IQSEC1: variants seen among roughly 807,000 people sequenced by gnomAD.
The protein encoded by IQSEC1 is IQ motif and SEC7 domain-containing protein 1.
A neutral mutation model predicts 91.0 loss-of-function variants in IQSEC1; 31 were observed. The observed-to-expected ratio is 0.34, with a 90% confidence interval of 0.26 to 0.46. The LOEUF is 0.46. IQSEC1 is among the 20% of genes least tolerant of loss of function. The pLI is 1.00. For missense variants in IQSEC1, 1,388 were observed against 1,575.6 expected, an observed-to-expected ratio of 0.88 and a Z score of 2.02; for synonymous variants, 699 against 662.6, an observed-to-expected ratio of 1.05 and a Z score of -0.84.
chr3:12,978,470 G>T (rs1025679162), intron 1 of IQSEC1, among the ~76,000 whole-genome samples: 1 of 152,160 alleles, frequency 6.6e-6, no homozygotes, highest in Non-Finnish European at 1.5e-5. Flanking sequence ...AGACTGAGGC[G>T]GGCGGATCAC....
At chr3:13,105,875 G>A (rs1027019243) in intron 2 of IQSEC1, among the ~76,000 whole-genome samples, 19 of 152,184 alleles carry the variant, frequency 1.2e-4, no homozygotes, top group African/African-American at 2.7e-4. Context: ...TGCAGCATGT[G>A]GCTTAAAATT....
intron 1 of IQSEC1, among the ~76,000 whole-genome samples, chr3:13,019,456 A>C (rs1402224399): frequency 6.6e-6 from 1 of 152,202 alleles, no homozygotes; most frequent in Admixed American, 6.5e-5. Flanking sequence ...CAACCCTCCA[A>C]TCTGTCCCTG....
Position 13,003,530 on chromosome 3 carries a change from G to A in IQSEC1, c.24-61665C>T, listed in dbSNP as rs189578172. On this transcript the variant is annotated intron_variant, in intron 1 of 13. Coordinates refer to ENST00000613206, the MANE Select transcript of IQSEC1 (RefSeq NM_001134382.3). ...GGTTTATTTTCAGGGCCATGGAAAC[G>A]ATTAAAAATAAAATTGTGATGGTTA... Among the ~76,000 whole-genome samples, 6 of 152,246 alleles carry A rather than the reference G, an allele frequency of 3.9e-5. No individual in the cohort carries two copies. The East Asian group carries it at 5.8e-4, about 15-fold the overall frequency.
In IQSEC1 at chr3:13,099,529, C is replaced by T. The variant is rs141057787; in HGVS notation, c.303-52007G>A. ...CGGGTGCATCTGTGGCCCTCAGAAG[C>T]GCCCACCTCACTCAGGCTGGCAGAG... On this transcript the variant is annotated intron_variant, in intron 2 of 15. Transcript: ENST00000648114. 6.4e-4 allele frequency among the ~76,000 whole-genome samples: 97 copies of T among 152,278 alleles called. No individual in the cohort carries two copies. In the East Asian group the frequency reaches 0.014, roughly 21 times the overall value.
chr3:13,060,005 C>T (rs1408669711), intron 1 of IQSEC1, among the ~76,000 whole-genome samples: 2 of 152,176 alleles, frequency 1.3e-5, no homozygotes, highest in African/African-American at 2.4e-5. Flanking sequence ...GATGAGGCGC[C>T]GGCTTGGGGA....
chr3:13,141,286 T>G (rs937415140), intron 2 of IQSEC1, among the ~76,000 whole-genome samples: 1 of 152,044 alleles, frequency 6.6e-6, no homozygotes, highest in South Asian at 2.1e-4. Context: ...CGGAAAAGCA[T>G]GGATGGATTT....
chr3:13,211,521 G>A lies in IQSEC1; in HGVS notation c.273-47388C>T, dbSNP rs1224436206. 1.2e-4 allele frequency among the ~76,000 whole-genome samples: 18 copies of A among 152,066 alleles called. No individual in the cohort carries two copies. In the East Asian group the frequency reaches 3.3e-3, roughly 28 times the overall value. On this transcript the variant is annotated intron_variant, in intron 1 of 15. Transcript: ENST00000648114. The surrounding 1 kb of genome is among the most constrained non-coding windows in gnomAD (Gnocchi z 5.3). ...TCCACCCCCAAGTCCCCTTTTGGGA[G>A]CAGTGTCTTCAGCCACCTCCCTGGA...
intron 1 of IQSEC1, among the ~76,000 whole-genome samples, chr3:13,234,806 A>G (rs1473128214): frequency 6.6e-6 from 1 of 152,226 alleles, no homozygotes; most frequent in Non-Finnish European, 1.5e-5. Context: ...AGTTTACAAC[A>G]AATGAGAAAT....
In IQSEC1 at chr3:12,920,434, G is replaced by A. The variant is rs138094899; in HGVS notation, c.2016C>T (p.Leu672=). Residue 672 remains leucine, a synonymous_variant, in exon 6 of 14, where the codon CTC becomes CTT. Transcript: ENST00000613206. ...CGACCGCCTGAGACAGCTCACCTCG[G>A]AGGTTCTTGATGAAGTCCTCTAGCT... The part of the protein sequence containing the change: ...KMKLEDFIKN[L]RGVDDGEDIP... 5.6e-6 allele frequency: 9 copies of A among 1,613,842 alleles called. No homozygotes were observed. The highest frequency in any genetic ancestry group is 4.0e-5 in the African/African-American group (3 of 74,958).
At chr3:13,162,355 C>T (rs1707193973) in intron 2 of IQSEC1, among the ~76,000 whole-genome samples, 1 of 152,204 alleles carries the variant, frequency 6.6e-6, no homozygotes, top group Non-Finnish European at 1.5e-5. Flanking sequence ...AGGCCATCTC[C>T]TTCCTGAGCC....
intron 2 of IQSEC1, among the ~76,000 whole-genome samples, chr3:13,118,564 A>C (rs1053948277): frequency 1.3e-5 from 2 of 152,224 alleles, no homozygotes; most frequent in African/African-American, 4.8e-5. Flanking sequence ...TCACAAAAGA[A>C]CAAATACTGA....
intron 1 of IQSEC1, among the ~76,000 whole-genome samples, chr3:13,225,482 G>A (rs993224661): frequency 2.0e-5 from 3 of 152,234 alleles, no homozygotes; most frequent in Non-Finnish European, 2.9e-5. Context: ...GTGTTAAAAT[G>A]AAAGTTCATC....
intron 1 of IQSEC1, among the ~76,000 whole-genome samples, chr3:13,024,808 C>T (rs770984453): frequency 2.6e-5 from 4 of 152,350 alleles, no homozygotes; most frequent in South Asian, 4.1e-4. Flanking sequence ...TTGCCATCCT[C>T]GGGGGCTCAT....
In IQSEC1 at chr3:13,127,452, A is replaced by AC. The variant is rs1301418311; in HGVS notation, c.302+36651_302+36652insG. On this transcript the variant is annotated intron_variant, in intron 2 of 15. Transcript: ENST00000648114. Reference sequence around the variant, plus strand: ...AAAAAAACAAACAAACAAAAAAAAAAAAACCAGAGTTCTCTATTCCATTGA... The same window carrying AC: ...AAAAAAACAAACAAACAAAAAAAAAACAAACCAGAGTTCTCTATTCCATTGA... Among the ~76,000 whole-genome samples, 623 of 152,220 alleles carry AC rather than the reference A, an allele frequency of 4.1e-3. 6 individuals are homozygous for AC. The highest frequency in any genetic ancestry group is 0.014 in the African/African-American group (585 of 41,504).
intron 1 of IQSEC1, among the ~76,000 whole-genome samples, chr3:12,949,344 C>T (rs1448194312): frequency 6.6e-6 from 1 of 152,236 alleles, no homozygotes; most frequent in African/African-American, 2.4e-5. Context: ...GCAAAGCCAC[C>T]CTCTTCAGAG....
rs1231007651 is a variant in IQSEC1 at position 13,236,681 on chromosome 3, CG to C, written c.272+46029del. 5.9e-5 allele frequency among the ~76,000 whole-genome samples: 9 copies of C among 152,168 alleles called. No homozygotes were observed. In the South Asian group the frequency reaches 6.2e-4, roughly 11 times the overall value. ...GATAGCAGCCAGCTGGGTCCACAGACGTGAGAAGGCGCCAGCTCCACCCGGG... is the reference window on the plus strand; with the variant it reads ...GATAGCAGCCAGCTGGGTCCACAGACTGAGAAGGCGCCAGCTCCACCCGGG... On this transcript the variant is annotated intron_variant, in intron 1 of 15. Coordinates refer to the IQSEC1 transcript ENST00000648114.
intron 2 of IQSEC1, among the ~76,000 whole-genome samples, chr3:13,154,475 A>ATATATATG (rs36203218): frequency 7.6e-6 from 1 of 130,774 alleles, no homozygotes; most frequent in East Asian, 2.2e-4. Flanking sequence ...ATATATATAT[A>ATATATATG]TGCAAAAACT....
intron 1 of IQSEC1, among the ~76,000 whole-genome samples, chr3:12,966,468 C>T (rs1383282091): frequency 6.6e-6 from 1 of 152,186 alleles, no homozygotes; most frequent in African/African-American, 2.4e-5. Context: ...TCAGAAGGGC[C>T]TGCAGATAGC....
chr3:13,095,795 G>C (rs1052396233), intron 2 of IQSEC1, among the ~76,000 whole-genome samples: 1 of 152,176 alleles, frequency 6.6e-6, no homozygotes, highest in Non-Finnish European at 1.5e-5. Flanking sequence ...GAGCGGGCGG[G>C]GCAGCTTTTA....
Sources: gnomAD v4.1 joint callset for allele counts (sites outside exome capture counted in the v4.1 genomes callset) on GRCh38, gnomAD v4.1.1 for gene constraint, Gnocchi (gnomAD v3.1) non-coding constraint, MANE v1.5 for transcripts, NCBI Gene and HGNC (gene_info 2026-07-23, HGNC 2026-07-21) for gene names.